The following ARHGEF10L variants were observed in gnomAD, a reference collection of about 807,000 sequenced individuals.
ARHGEF10L encodes the protein Rho guanine nucleotide exchange factor 10 like, also known as rho guanine nucleotide exchange factor 10-like protein.
A neutral mutation model predicts 141.2 loss-of-function variants in ARHGEF10L; 69 were observed. The observed-to-expected ratio is 0.49, with a 90% CI of 0.40 to 0.60. ARHGEF10L has a LOEUF of 0.60. Ranked by LOEUF, ARHGEF10L falls within the 20% of genes least tolerant of loss-of-function variation. ARHGEF10L has a pLI of 0.00. For missense variants in ARHGEF10L, 1,482 were observed against 1,734.3 expected (o/e 0.85, Z 2.58); for synonymous variants, 711 against 718.5 (o/e 0.99, Z 0.17).
At chr1:17,622,015 G>A in intron 11 of ARHGEF10L, 74 bp downstream of exon 11, 1 of 1,525,766 alleles carries the variant, frequency 6.6e-7, no homozygotes. Context: ...TTTATACGGA[G>A]TGTTTGGGGA....
chr1:17,532,594 A>G, the ARHGEF10L span, among the ~76,000 whole-genome samples: 1 of 119,802 alleles, frequency 8.3e-6, no homozygotes, highest in African/African-American at 3.0e-5. Flanking sequence ...TTCACCCTTG[A>G]TCTTTTTTTT....
In ARHGEF10L at chr1:17,673,007, C is replaced by G. The variant is rs578172414; in HGVS notation, c.3009+8412C>G. ...TTCCTGTGTCTAGCACTTGGATTCC[C>G]CCCAACCAGAAGATTTAGGTGATGA... On this transcript the variant is annotated intron_variant, in intron 26 of 28. Coordinates refer to ENST00000361221, the MANE Select transcript of ARHGEF10L (RefSeq NM_018125.4). The surrounding 1 kb of genome is among the most constrained non-coding windows in gnomAD (Gnocchi z 4.1). Among the ~76,000 whole-genome samples the G allele has an allele frequency of 6.6e-6, 1 of 152,096 alleles. No individual in the cohort carries two copies. The highest frequency in any genetic ancestry group is 1.5e-5 in the Non-Finnish European group (1 of 68,048).
At chr1:17,595,220 C>CTTT (rs58475060) in intron 4 of ARHGEF10L, among the ~76,000 whole-genome samples, 14 of 106,096 alleles carry the variant, frequency 1.3e-4, no homozygotes, top group African/African-American at 2.2e-4. Context: ...CGTGGCTCAC[C>CTTT]TTTTTTTTTT....
At chr1:17,629,763 G>A (rs375583823) in intron 15 of ARHGEF10L, among the ~76,000 whole-genome samples, 2 of 152,144 alleles carry the variant, frequency 1.3e-5, no homozygotes, top group Non-Finnish European at 2.9e-5. Flanking sequence ...CTTCAGCCCC[G>A]CCATGACCAC....
chr1:17,587,427 C>A, intron 2 of ARHGEF10L, 33 bp from the exon 3 acceptor site: 2 of 1,597,674 alleles, frequency 1.3e-6, no homozygotes, highest in Non-Finnish European at 1.7e-6. Context: ...CCTCGGAGAT[C>A]CTGCAGCCTG....
At chr1:17,530,678 C>A in the ARHGEF10L span, among the ~76,000 whole-genome samples, 1 of 152,160 alleles carries the variant, frequency 6.6e-6, no homozygotes, top group Non-Finnish European at 1.5e-5. Flanking sequence ...AGGCTGCTTA[C>A]CTTTCCGGAC....
chr1:17,684,658 G>A (rs1458579273), intron 26 of ARHGEF10L, among the ~76,000 whole-genome samples: 2 of 152,294 alleles, frequency 1.3e-5, no homozygotes, highest in Non-Finnish European at 1.5e-5. Flanking sequence ...GCTCTTGGGG[G>A]GCCCCCACCC....
the ARHGEF10L span, among the ~76,000 whole-genome samples, chr1:17,527,452 C>T: frequency 2.6e-5 from 4 of 152,308 alleles, no homozygotes; most frequent in South Asian, 6.2e-4. Flanking sequence ...TGGCACGGCT[C>T]TGTTCCCAGG....
chr1:17,525,523 G>A, the ARHGEF10L span, among the ~76,000 whole-genome samples: 1 of 152,234 alleles, frequency 6.6e-6, no homozygotes, highest in East Asian at 1.9e-4. Context: ...CTTGTTCCTG[G>A]TGGCACACGC....
chr1:17,574,198 G>A (rs1382139401), intron 1 of ARHGEF10L, among the ~76,000 whole-genome samples: 10 of 152,292 alleles, frequency 6.6e-5, no homozygotes, highest in Middle Eastern at 6.8e-3. Context: ...GCTCCCAGGG[G>A]CTCCGTAGCT....
intron 7 of ARHGEF10L, among the ~76,000 whole-genome samples, chr1:17,610,234 G>A (rs191249442): frequency 1.1e-3 from 168 of 152,264 alleles, no homozygotes; most frequent in Non-Finnish European, 2.2e-3. Context: ...GGTGGGGCCC[G>A]GTAATCTGCC....
intron 1 of ARHGEF10L, among the ~76,000 whole-genome samples, chr1:17,561,145 G>A (rs2100831176): frequency 6.6e-6 from 1 of 152,336 alleles, no homozygotes; most frequent in Non-Finnish European, 1.5e-5. Flanking sequence ...AAAGCTCCCA[G>A]CACGTAGTAG....
intron 6 of ARHGEF10L, among the ~76,000 whole-genome samples, chr1:17,605,372 A>C (rs74651688): frequency 0.022 from 3,425 of 152,224 alleles, 135 homozygotes; most frequent in African/African-American, 0.079. Context: ...AACTGGGGCA[A>C]TAATAGCCAG....
At chr1:17,524,260 G>C in the ARHGEF10L span, among the ~76,000 whole-genome samples, 1 of 151,726 alleles carries the variant, frequency 6.6e-6, no homozygotes, top group Non-Finnish European at 1.5e-5. Flanking sequence ...AGCTGAGATG[G>C]TGTCACTGCA....
At chr1:17,522,668 C>G in the ARHGEF10L span, among the ~76,000 whole-genome samples, 1 of 152,152 alleles carries the variant, frequency 6.6e-6, no homozygotes, top group South Asian at 2.1e-4. Flanking sequence ...CTACCCCTCT[C>G]TTCTGTGCCC....
the ARHGEF10L span, among the ~76,000 whole-genome samples, chr1:17,525,333 C>T: frequency 6.6e-6 from 1 of 152,206 alleles, no homozygotes. Context: ...GTCCCAATGT[C>T]ATGGTTGGTT....
At chr1:17,609,882 T>C (rs1196671013) in intron 7 of ARHGEF10L, among the ~76,000 whole-genome samples, 1 of 152,080 alleles carries the variant, frequency 6.6e-6, no homozygotes, top group African/African-American at 2.4e-5. Flanking sequence ...AAGGGGGCTT[T>C]GGTTATGAAG....
chr1:17,621,819 G>A lies in ARHGEF10L; in HGVS notation c.943-45G>A, dbSNP rs533422864. 2.3e-5 allele frequency: 30 copies of A among 1,325,400 alleles called. No individual in the cohort carries two copies. The African/African-American group carries it at 3.9e-4, about 17-fold the overall frequency. 82.1% of individuals were successfully genotyped at this position (1,325,400 alleles called of 1,614,324 possible). ...CCCCTTCCTGTCACTTGGGCCCTGT[G>A]CAGCAGGTGTCATGTGCGCTGACCG... On this transcript the variant is annotated intron_variant, in intron 10 of 28. Transcript: ENST00000361221. This position sits in a 1 kb window ranked among gnomAD's most constrained non-coding sequence, Gnocchi z 4.1.
At chr1:17,662,160 G>A (rs377191961) in intron 25 of ARHGEF10L, among the ~76,000 whole-genome samples, 3 of 152,256 alleles carry the variant, frequency 2.0e-5, no homozygotes, top group South Asian at 4.2e-4. Context: ...GCTGTGTCTC[G>A]GTTGTCTCCG....
Sources: allele counts gnomAD v4.1 joint callset (sites outside exome capture counted in the v4.1 genomes callset), GRCh38; gene constraint gnomAD v4.1.1; non-coding constraint Gnocchi (gnomAD v3.1); transcripts MANE v1.5; gene names NCBI Gene and HGNC (gene_info 2026-07-23, HGNC 2026-07-21).